Variants in SUPT3H observed in about 807,000 individuals in gnomAD.
SUPT3H encodes the protein SPT3 homolog, SAGA and STAGA complex component, also known as transcription initiation protein SPT3 homolog.
SUPT3H carries 44 observed loss-of-function variants against 44.3 expected under a neutral mutation model. The observed-to-expected ratio is 0.99, with a 90% CI of 0.78 to 1.28. The LOEUF (loss-of-function observed/expected upper bound fraction) is 1.28. Among genes scored for constraint, SUPT3H ranks in the 50% most tolerant of loss-of-function variants. The pLI is 0.00. For missense variants in SUPT3H, 380 were observed against 387.1 expected, an observed-to-expected ratio of 0.98 and a Z score of 0.15; for synonymous variants, 124 against 125.6, an observed-to-expected ratio of 0.99 and a Z score of 0.09.
At chr6:44,818,354 C>G (rs1055445286) in intron 11 of SUPT3H, among the ~76,000 whole-genome samples, 5 of 151,916 alleles carry the variant, frequency 3.3e-5, no homozygotes, top group Non-Finnish European at 5.9e-5. Flanking sequence ...AAATTCAAAA[C>G]TTAAATATCT....
chr6:44,900,546 C>T (rs936565031), intron 10 of SUPT3H, among the ~76,000 whole-genome samples: 2 of 152,212 alleles, frequency 1.3e-5, no homozygotes, highest in African/African-American at 4.8e-5. Flanking sequence ...GGGTGGAGCC[C>T]ACCACAACTC....
chr6:45,005,868 A>G (rs953734058), intron 5 of SUPT3H, among the ~76,000 whole-genome samples: 2 of 152,112 alleles, frequency 1.3e-5, no homozygotes, highest in East Asian at 1.9e-4. Context: ...CAATTTTACA[A>G]TTAAGTTTTG....
At chr6:44,978,726 A>G (rs2396369) in intron 6 of SUPT3H, among the ~76,000 whole-genome samples, 62,497 of 151,810 alleles carry the variant, frequency 0.41, 13,882 homozygotes, top group East Asian at 0.69. Flanking sequence ...CTATTGAGTA[A>G]GAAGCAACAT....
At chr6:45,157,023 A>C (rs913754728) in intron 2 of SUPT3H, among the ~76,000 whole-genome samples, 19 of 152,258 alleles carry the variant, frequency 1.2e-4, no homozygotes, top group Admixed American at 1.2e-3. Context: ...AATAAGTTAA[A>C]GGAATGCAAC....
intron 11 of SUPT3H, among the ~76,000 whole-genome samples, chr6:44,814,348 AG>A (rs745592946): frequency 2.0e-5 from 3 of 152,214 alleles, no homozygotes; most frequent in Non-Finnish European, 4.4e-5. Flanking sequence ...AAGGCCAGGC[AG>A]TGATCCAAGT....
intron 2 of SUPT3H, among the ~76,000 whole-genome samples, chr6:45,155,261 T>C (rs761130782): frequency 6.6e-6 from 1 of 152,190 alleles, no homozygotes; most frequent in Non-Finnish European, 1.5e-5. Flanking sequence ...ACTTGCCACA[T>C]GACAGCCAAG....
intron 2 of SUPT3H, among the ~76,000 whole-genome samples, chr6:45,178,258 G>C (rs1812393229): frequency 6.6e-6 from 1 of 151,896 alleles, no homozygotes; most frequent in South Asian, 2.1e-4. Flanking sequence ...AAAAAGGCAG[G>C]GGTTGCAATC....
At chr6:45,135,905 T>C (rs1804203366) in intron 2 of SUPT3H, among the ~76,000 whole-genome samples, 1 of 152,174 alleles carries the variant, frequency 6.6e-6, no homozygotes, top group African/African-American at 2.4e-5. Context: ...AGGTGATTCA[T>C]CCATATGGGG....
At chr6:45,285,787 T>A (rs1281731028) in intron 2 of SUPT3H, among the ~76,000 whole-genome samples, 1 of 152,088 alleles carries the variant, frequency 6.6e-6, no homozygotes, top group Non-Finnish European at 1.5e-5. Flanking sequence ...CATTGCCAAG[T>A]CAATCCTAAG....
chr6:44,882,041 C>G (rs1172949671), intron 10 of SUPT3H, among the ~76,000 whole-genome samples: 1 of 151,980 alleles, frequency 6.6e-6, no homozygotes, highest in East Asian at 1.9e-4. Flanking sequence ...AAGATCAGAG[C>G]AGAAGTGAAG....
chr6:45,045,948 GTTC>G (rs1264267344), intron 3 of SUPT3H, among the ~76,000 whole-genome samples: 9 of 151,878 alleles, frequency 5.9e-5, no homozygotes, highest in Admixed American at 2.6e-4. Flanking sequence ...TTCTTTTGTT[GTTC>G]TTCATGCTTT....
At chr6:44,859,153 C>T (rs1774208967) in intron 10 of SUPT3H, among the ~76,000 whole-genome samples, 1 of 152,154 alleles carries the variant, frequency 6.6e-6, no homozygotes, top group South Asian at 2.1e-4. Context: ...CTCAAGTTGC[C>T]TAGCCCTGAA....
intron 2 of SUPT3H, among the ~76,000 whole-genome samples, chr6:45,253,648 C>G (rs917103466): frequency 1.3e-5 from 2 of 151,642 alleles, no homozygotes. Context: ...AAAAAATCAA[C>G]TAAGCGTGGT....
At chr6:45,139,421 C>A (rs1185010421) in intron 2 of SUPT3H, among the ~76,000 whole-genome samples, 4 of 152,130 alleles carry the variant, frequency 2.6e-5, no homozygotes, top group African/African-American at 9.7e-5. Flanking sequence ...CTTGGATAGA[C>A]AGAACAGCAC....
intron 2 of SUPT3H, among the ~76,000 whole-genome samples, chr6:45,312,340 C>G (rs1446250046): frequency 6.6e-6 from 1 of 152,000 alleles, no homozygotes; most frequent in East Asian, 1.9e-4. Context: ...CAGTGAAACC[C>G]TATCTCCACA....
chr6:45,271,181 G>A (rs535018999), intron 2 of SUPT3H, among the ~76,000 whole-genome samples: 97 of 152,336 alleles, frequency 6.4e-4, no homozygotes, highest in Non-Finnish European at 1.3e-3. Context: ...ATTTTCTGGG[G>A]AGAAATTCAA....
At chr6:44,840,696 T>C (rs868525386) in intron 10 of SUPT3H, among the ~76,000 whole-genome samples, 43 of 152,310 alleles carry the variant, frequency 2.8e-4, no homozygotes, top group Admixed American at 1.0e-3. Flanking sequence ...ACATTCACTA[T>C]AGGATTTCAG....
At chr6:44,959,179 C>T (rs559974265) in intron 7 of SUPT3H, among the ~76,000 whole-genome samples, 13 of 152,018 alleles carry the variant, frequency 8.6e-5, no homozygotes, top group Admixed American at 2.0e-4. Flanking sequence ...CGTGAGCCAC[C>T]GTGCCTAGCC....
chr6:45,367,114 G>A (rs1192418802), intron 1 of SUPT3H, among the ~76,000 whole-genome samples: 1 of 152,108 alleles, frequency 6.6e-6, no homozygotes, highest in East Asian at 1.9e-4. Flanking sequence ...TGAAGCTTTT[G>A]AGAAGGCGAC....
Sources: gnomAD v4.1 joint callset for allele counts (sites outside exome capture counted in the v4.1 genomes callset) on GRCh38, gnomAD v4.1.1 for gene constraint, MANE v1.5 for transcripts, NCBI Gene and HGNC (gene_info 2026-07-23, HGNC 2026-07-21) for gene names.